The following GPHN variants were observed in gnomAD, a reference collection of about 807,000 sequenced individuals.
GPHN encodes the protein gephyrin.
Under a neutral mutation model 95.5 loss-of-function variants are expected in GPHN, and 17 were observed. The observed-to-expected ratio is 0.18, with a 90% CI of 0.12 to 0.27. The LOEUF is 0.27. GPHN is among the 10% of genes least tolerant of loss of function. GPHN has a pLI of 1.00. For missense variants in GPHN, 660 were observed against 978.1 expected (o/e 0.67, Z 4.34); for synonymous variants, 320 against 322.5 (o/e 0.99, Z 0.08).
chr14:67,391,079 A>G, the GPHN span, among the ~76,000 whole-genome samples: 1 of 152,176 alleles, frequency 6.6e-6, no homozygotes, highest in Non-Finnish European at 1.5e-5. Context: ...CTGGGAGCAC[A>G]CAGGCAAACT....
chr14:66,537,589 T>G (rs1277200334), intron 1 of GPHN, among the ~76,000 whole-genome samples: 2 of 152,238 alleles, frequency 1.3e-5, no homozygotes, highest in Non-Finnish European at 2.9e-5. Context: ...ATAATTTTTT[T>G]GTAAACAGTT....
chr14:67,204,328 A>G, the GPHN span, among the ~76,000 whole-genome samples: 1 of 152,078 alleles, frequency 6.6e-6, no homozygotes, highest in Non-Finnish European at 1.5e-5. Context: ...TGTCCCAGCT[A>G]CTCAGGAGGA....
the GPHN span, among the ~76,000 whole-genome samples, chr14:67,719,164 T>C: frequency 1.3e-4 from 20 of 152,348 alleles, no homozygotes; most frequent in Non-Finnish European, 2.1e-4. Context: ...TCATTGCCTA[T>C]GGATGACAGC....
At chr14:67,315,302 A>G in the GPHN span, among the ~76,000 whole-genome samples, 2 of 133,658 alleles carry the variant, frequency 1.5e-5, no homozygotes, top group Non-Finnish European at 3.1e-5. Flanking sequence ...TTTGAGACAA[A>G]ATCTCGCTCT....
At chr14:66,929,015 G>C (rs1473810549) in intron 8 of GPHN, among the ~76,000 whole-genome samples, 1 of 149,030 alleles carries the variant, frequency 6.7e-6, no homozygotes, top group Non-Finnish European at 1.5e-5. Flanking sequence ...GTATCTATTA[G>C]ATCTATTTGA....
chr14:66,696,837 A>T (rs2068130276), intron 2 of GPHN, among the ~76,000 whole-genome samples: 1 of 152,204 alleles, frequency 6.6e-6, no homozygotes, highest in Middle Eastern at 3.2e-3. Flanking sequence ...GATGCTATGA[A>T]TTTATTTTGT....
At chr14:67,569,252 C>T in the GPHN span, 3 of 1,494,204 alleles carry the variant, frequency 2.0e-6, no homozygotes, top group Non-Finnish European at 1.9e-6. Flanking sequence ...CACCAAACAC[C>T]CAAGGTGGGC....
intron 2 of GPHN, among the ~76,000 whole-genome samples, chr14:66,729,386 A>T (rs1168469505): frequency 1.3e-5 from 2 of 152,224 alleles, no homozygotes; most frequent in Non-Finnish European, 2.9e-5. Context: ...CTGTCCAAAA[A>T]TCATGAACGA....
chr14:67,062,918 T>G (rs1173395557), intron 11 of GPHN, among the ~76,000 whole-genome samples: 3 of 152,184 alleles, frequency 2.0e-5, no homozygotes, highest in African/African-American at 7.2e-5. Context: ...GAAAGTTCTT[T>G]AGTTTAATTA....
At chr14:67,112,652 A>G (rs1425256853) in intron 15 of GPHN, among the ~76,000 whole-genome samples, 1 of 152,222 alleles carries the variant, frequency 6.6e-6, no homozygotes, top group Admixed American at 6.5e-5. Flanking sequence ...ATATTGCCAT[A>G]CAAATTCTTG....
At position 67,109,973 on chromosome 14, in the gene GPHN, G is replaced by C. The variant is rs114093223; in HGVS notation, c.1294-167G>C. Among the ~76,000 whole-genome samples the C allele has an allele frequency of 8.8e-3, 1,340 of 152,220 alleles. 15 individuals are homozygous for C. Among genetic ancestry groups the C allele is most frequent in the African/African-American group, 0.031 (1,267 of 41,520 alleles). ...TGAACCTAAAGCCCCTTTAGTGTGA[G>C]TGCACCTGTTTGTGGATAGCTTTTA... is the stretch of plus-strand genomic sequence containing the variant. On this transcript the variant is annotated intron_variant, in intron 13 of 22. Transcript: ENST00000478722.
the GPHN span, among the ~76,000 whole-genome samples, chr14:67,694,837 C>T: frequency 2.6e-5 from 4 of 152,136 alleles, no homozygotes; most frequent in African/African-American, 7.2e-5. Flanking sequence ...CTAAGACCGC[C>T]CACCTGGGGA....
chr14:67,040,884 G>T (rs111718002), intron 10 of GPHN, among the ~76,000 whole-genome samples: 1,821 of 152,100 alleles, frequency 0.012, 12 homozygotes, highest in Middle Eastern at 0.027. Flanking sequence ...TGGCTAAAAG[G>T]GTGTCTGCGA....
chr14:66,962,253 T>C (rs2069002646), intron 8 of GPHN, among the ~76,000 whole-genome samples: 1 of 151,530 alleles, frequency 6.6e-6, no homozygotes, highest in African/African-American at 2.4e-5. Context: ...TCTTCATCTT[T>C]AGAATCTCAT....
the GPHN span, chr14:67,397,531 C>G: frequency 1.4e-6 from 1 of 723,272 alleles, no homozygotes; most frequent in South Asian, 2.3e-5. Flanking sequence ...GTGGCGGAGC[C>G]AGGATTTGAA....
chr14:67,475,522 T>C, the GPHN span, among the ~76,000 whole-genome samples: 1 of 152,170 alleles, frequency 6.6e-6, no homozygotes, highest in Admixed American at 6.5e-5. Context: ...TGTACAAGGG[T>C]TCCAATTTCT....
intron 3 of GPHN, among the ~76,000 whole-genome samples, chr14:66,817,600 C>A (rs778076009): frequency 6.6e-6 from 1 of 152,084 alleles, no homozygotes; most frequent in Non-Finnish European, 1.5e-5. Flanking sequence ...GGAATATTTT[C>A]TCATGTCATT....
rs745573762 is a variant in GPHN, at chr14:67,100,920, G to A, written c.1293+9G>A. On this transcript the variant is annotated intron_variant, in intron 13 of 22. Coordinates refer to ENST00000478722, the MANE Select transcript of GPHN (RefSeq NM_020806.5). ...CCCAAGCTGGTGAACAGGTGAGATT[G>A]ATAGGCCTGAAAGGCACTGAAGATT... 3.3e-6 allele frequency: 5 copies of A among 1,537,346 alleles called. No individual in the cohort carries two copies. Among genetic ancestry groups the A allele is most frequent in the Non-Finnish European group, 4.5e-6 (5 of 1,109,980 alleles).
At chr14:66,760,899 A>G (rs777753796) in intron 2 of GPHN, 6 of 956,580 alleles carry the variant, frequency 6.3e-6, no homozygotes, top group Non-Finnish European at 9.6e-6. Flanking sequence ...TCAGGATATC[A>G]AAGAAGTCAA....
Sources: gnomAD v4.1 joint callset for allele counts (sites outside exome capture counted in the v4.1 genomes callset) on GRCh38, gnomAD v4.1.1 for gene constraint, MANE v1.5 for transcripts, NCBI Gene and HGNC (gene_info 2026-07-23, HGNC 2026-07-21) for gene names.